NKAIN2: variants seen among roughly 807,000 people sequenced by gnomAD.
NKAIN2 encodes sodium/potassium-transporting ATPase subunit beta-1-interacting protein 2.
In NKAIN2, 14 loss-of-function variants were observed where a neutral mutation model predicts 32.6. That is an observed-to-expected ratio of 0.43 (90% CI 0.28 to 0.67). NKAIN2 has a LOEUF of 0.67. NKAIN2 is among the 30% of genes least tolerant of loss of function. The pLI is 0.17. For synonymous variants in NKAIN2, 80 were observed against 87.2 expected (o/e 0.92, Z 0.46); for missense variants, 198 against 258.3 (o/e 0.77, Z 1.60).
At chr6:124,144,946 C>A (rs543665545) in intron 1 of NKAIN2, among the ~76,000 whole-genome samples, 3 of 152,128 alleles carry the variant, frequency 2.0e-5, no homozygotes, top group African/African-American at 7.2e-5. Flanking sequence ...AACATACAGT[C>A]CAGTTAGAAA....
chr6:124,573,157 C>T (rs994456465), intron 3 of NKAIN2, among the ~76,000 whole-genome samples: 6 of 151,960 alleles, frequency 3.9e-5, no homozygotes, highest in Non-Finnish European at 8.8e-5. Context: ...TATTTTTGAA[C>T]TGTGAATAGA....
chr6:124,329,083 C>G (rs1267359362), intron 2 of NKAIN2, among the ~76,000 whole-genome samples: 1 of 152,202 alleles, frequency 6.6e-6, no homozygotes, highest in African/African-American at 2.4e-5. Context: ...TTGTCTCTGT[C>G]CTCTACTATC....
chr6:124,498,432 C>T (rs1040964672), intron 3 of NKAIN2, among the ~76,000 whole-genome samples: 2 of 152,060 alleles, frequency 1.3e-5, no homozygotes, highest in African/African-American at 2.4e-5. Flanking sequence ...GTGCAGAACT[C>T]GGTGAGGGCT....
chr6:124,423,909 C>T (rs1013589012), intron 3 of NKAIN2, among the ~76,000 whole-genome samples: 4 of 152,150 alleles, frequency 2.6e-5, no homozygotes, highest in South Asian at 2.1e-4. Flanking sequence ...ATAAGTTATC[C>T]AGTCTCAAGT....
chr6:123,890,370 G>A (rs1773946459), intron 1 of NKAIN2, among the ~76,000 whole-genome samples: 1 of 151,762 alleles, frequency 6.6e-6, no homozygotes, highest in East Asian at 1.9e-4. Context: ...AGGAAAAAAG[G>A]ACATCTTTCA....
At chr6:124,353,195 T>TTAGGAACC (rs201816477) in intron 2 of NKAIN2, among the ~76,000 whole-genome samples, 1,618 of 152,272 alleles carry the variant, frequency 0.011, 32 homozygotes, top group African/African-American at 0.036. Flanking sequence ...AAGTACTAAG[T>TTAGGAACC]TAGGAACCTA....
intron 3 of NKAIN2, among the ~76,000 whole-genome samples, chr6:124,379,342 TA>T (rs1800157231): frequency 1.4e-5 from 1 of 70,462 alleles, no homozygotes; most frequent in Non-Finnish European, 2.8e-5. Context: ...GAGAGGGGAG[TA>T]AGGAGAGAAG....
At chr6:123,832,698 T>C (rs747140895) in intron 1 of NKAIN2, among the ~76,000 whole-genome samples, 1 of 152,218 alleles carries the variant, frequency 6.6e-6, no homozygotes, top group Non-Finnish European at 1.5e-5. Context: ...CTCATTCTTG[T>C]TTTAATATGC....
intron 1 of NKAIN2, among the ~76,000 whole-genome samples, chr6:123,892,590 G>A (rs887617222): frequency 6.6e-6 from 1 of 151,874 alleles, no homozygotes; most frequent in African/African-American, 2.4e-5. Flanking sequence ...AATGAGATTT[G>A]GGTGGGGACA....
intron 3 of NKAIN2, among the ~76,000 whole-genome samples, chr6:124,522,458 T>C (rs1779152107): frequency 6.6e-6 from 1 of 152,198 alleles, no homozygotes; most frequent in African/African-American, 2.4e-5. Flanking sequence ...TAATTAGTTT[T>C]AGATGAGGCT....
chr6:123,931,276 C>CG (rs1459009141), intron 1 of NKAIN2, among the ~76,000 whole-genome samples: 1 of 152,062 alleles, frequency 6.6e-6, no homozygotes, highest in East Asian at 1.9e-4. Flanking sequence ...TTTGAGGAAG[C>CG]GGTATCAGTA....
intron 3 of NKAIN2, among the ~76,000 whole-genome samples, chr6:124,635,036 GAGGAAGGA>G (rs1002022326): frequency 6.7e-6 from 1 of 149,754 alleles, no homozygotes; most frequent in African/African-American, 2.5e-5. Context: ...AAAGGAAGAA[GAGGAAGGA>G]AGGAAGGAAA....
At chr6:124,640,582 C>T (rs1366413582) in intron 3 of NKAIN2, among the ~76,000 whole-genome samples, 2 of 152,106 alleles carry the variant, frequency 1.3e-5, no homozygotes, top group African/African-American at 4.8e-5. Flanking sequence ...GGATTCAGTA[C>T]ATTGGAAACT....
At chr6:124,432,797 C>T (rs747056731) in intron 3 of NKAIN2, among the ~76,000 whole-genome samples, 11 of 152,050 alleles carry the variant, frequency 7.2e-5, no homozygotes, top group Non-Finnish European at 1.3e-4. Context: ...GATTTGGCTT[C>T]ACAGTCACCT....
intron 1 of NKAIN2, among the ~76,000 whole-genome samples, chr6:124,259,420 C>A (rs909780499): frequency 2.0e-5 from 3 of 151,984 alleles, no homozygotes; most frequent in Non-Finnish European, 4.4e-5. Flanking sequence ...GAGGAAAGAA[C>A]CCAAATTAGG....
intron 4 of NKAIN2, among the ~76,000 whole-genome samples, chr6:124,695,848 A>C (rs1382322185): frequency 2.6e-5 from 4 of 152,220 alleles, no homozygotes; most frequent in Non-Finnish European, 5.9e-5. Context: ...ACACTCCTCT[A>C]AGTAAAGACT....
rs530505104 is a variant in NKAIN2, at chr6:124,739,336, C to T, written c.475-52003C>T. The stretch of plus-strand genomic sequence containing the variant: ...ATTTTGATTCTTGAAGCAGTGGCAG[C>T]CAATATCAGCATGGGCAGAAATTAA... On this transcript the variant is annotated intron_variant, in intron 4 of 6. Transcript: ENST00000368417. Among the ~76,000 whole-genome samples, 10 of 151,938 alleles carry T rather than the reference C, an allele frequency of 6.6e-5. No individual in the cohort carries two copies. In the East Asian group the frequency reaches 1.6e-3, roughly 24 times the overall value.
At chr6:124,255,739 T>C (rs908522118) in intron 1 of NKAIN2, among the ~76,000 whole-genome samples, 2 of 152,212 alleles carry the variant, frequency 1.3e-5, no homozygotes, top group African/African-American at 4.8e-5. Context: ...CATGAATCTC[T>C]ATTTGCTCAA....
chr6:124,342,211 C>T (rs922373841), intron 2 of NKAIN2, among the ~76,000 whole-genome samples: 1 of 151,544 alleles, frequency 6.6e-6, no homozygotes, highest in African/African-American at 2.4e-5. Context: ...ACCATCTTGG[C>T]TGACATGGTG....
Sources: allele counts gnomAD v4.1 joint callset (sites outside exome capture counted in the v4.1 genomes callset), GRCh38; gene constraint gnomAD v4.1.1; transcripts MANE v1.5; gene names NCBI Gene and HGNC (gene_info 2026-07-23, HGNC 2026-07-21).